The following PRDM6 variants were observed in gnomAD, a reference collection of about 807,000 sequenced individuals.
The protein encoded by PRDM6 is putative histone-lysine N-methyltransferase PRDM6.
A neutral mutation model predicts 60.8 loss-of-function variants in PRDM6; 25 were observed. The ratio of observed to expected loss-of-function variants is 0.41; its 90% CI spans 0.30 to 0.57. The LOEUF (loss-of-function observed/expected upper bound fraction) is 0.57. PRDM6 is among the 20% of genes least tolerant of loss of function. The probability of loss-of-function intolerance (pLI) is 0.27; values close to 1 mark genes in which losing one functional copy is unlikely to be tolerated. For missense variants in PRDM6, 839 were observed against 821.3 expected (o/e 1.02, Z -0.26); for synonymous variants, 407 against 357.4 (o/e 1.14, Z -1.57).
In PRDM6 at chr5:123,190,211, G is replaced by A. The variant is rs964309429; in HGVS notation, c.*3010G>A. 1 of 152,084 alleles carries A rather than the reference G, an allele frequency of 6.6e-6. No individual in the cohort carries two copies. The highest frequency in any genetic ancestry group is 2.4e-5 in the African/African-American group (1 of 41,412). 9.4% of individuals were successfully genotyped at this position (152,084 alleles called of 1,614,324 possible). ...AATAATAATAATTTTTTCAGAATAA[G>A]ACTTTTCATCCTAGCGTATGTTCCT... On this transcript the variant is annotated 3_prime_UTR_variant, in exon 8 of 8. Coordinates refer to ENST00000407847, the MANE Select transcript of PRDM6 (RefSeq NM_001136239.4).
At chr5:123,121,207 T>A (rs1050829184) in intron 3 of PRDM6, among the ~76,000 whole-genome samples, 2 of 152,220 alleles carry the variant, frequency 1.3e-5, no homozygotes, top group Non-Finnish European at 2.9e-5. Flanking sequence ...AAGCTTTTTT[T>A]ACCTATGTTT....
intron 3 of PRDM6, among the ~76,000 whole-genome samples, chr5:123,116,035 A>C (rs1237524113): frequency 6.6e-6 from 1 of 152,216 alleles, no homozygotes; most frequent in Non-Finnish European, 1.5e-5. Flanking sequence ...AAGAGATTTC[A>C]TCACAACTGG....
rs112381228 is a variant in PRDM6, at chr5:123,121,003, ATAT to A, written c.900+21044_900+21046del. On this transcript the variant is annotated intron_variant, in intron 3 of 7. Transcript: ENST00000407847. ...ACCTTTTTCCTTATGTTTGGGCTTA[ATAT>A]TGTTGTTTTAAAGATCTGTGAGTTG... Among the ~76,000 whole-genome samples the A allele has an allele frequency of 9.0e-3, 1,377 of 152,302 alleles. 27 individuals carry two copies. Among genetic ancestry groups the A allele is most frequent in the African/African-American group, 0.031 (1,309 of 41,558 alleles).
Position 123,170,260 on chromosome 5 carries a change from G to A in PRDM6, c.1154-506G>A, listed in dbSNP as rs567588809. On this transcript the variant is annotated intron_variant, in intron 5 of 7. Coordinates refer to ENST00000407847, the MANE Select transcript of PRDM6 (RefSeq NM_001136239.4). ...CTTCTCCTGCCTCCAGGTGTCTTTC[G>A]TCTTGTTCCCTTCATCTCTTCAAAT... Among the ~76,000 whole-genome samples, 365 of 152,186 alleles carry A rather than the reference G, an allele frequency of 2.4e-3. 3 individuals carry two copies. The highest frequency in any genetic ancestry group is 8.3e-3 in the African/African-American group (346 of 41,520).
rs547026471 is a variant in PRDM6 at position 123,190,314 on chromosome 5, A to G, written c.*3113A>G. The G allele has an allele frequency of 7.2e-5, 11 of 152,308 alleles. No individual in the cohort carries two copies. The South Asian group carries it at 1.9e-3, about 26-fold the overall frequency. The allele number at this position is 152,308 out of a possible 1,614,324, so 9.4% of individuals were successfully genotyped here. A position where few individuals can be genotyped will look rare whatever the true frequency, so the allele number is the denominator to read the frequency against. ...AATAGGATGAGAGATGGAGCTGCAG[A>G]CCTTTGCATTTCTAGAAAAATCTCA... On this transcript the variant is annotated 3_prime_UTR_variant, in exon 8 of 8. Coordinates refer to ENST00000407847, the MANE Select transcript of PRDM6 (RefSeq NM_001136239.4).
chr5:123,111,622 CG>C (rs1396453003), intron 3 of PRDM6, among the ~76,000 whole-genome samples: 4 of 151,242 alleles, frequency 2.6e-5, no homozygotes, highest in African/African-American at 7.3e-5. Context: ...GGCGTGAACC[CG>C]GGGGGCGGAG....
chr5:123,138,488 C>G (rs143832245), intron 3 of PRDM6, among the ~76,000 whole-genome samples: 43 of 152,302 alleles, frequency 2.8e-4, no homozygotes, highest in African/African-American at 1.0e-3. Context: ...AAGGTAAAAC[C>G]TATTTCACAC....
At position 123,099,645 on chromosome 5, in the gene PRDM6, C is replaced by T; in HGVS notation, c.593-9C>T. The T allele has an allele frequency of 6.9e-7, 1 of 1,448,726 alleles. No homozygotes were observed. Among genetic ancestry groups the T allele is most frequent in the Non-Finnish European group, 9.1e-7 (1 of 1,097,002 alleles). The allele number at this position is 1,448,726 out of a possible 1,614,324, so 89.7% of individuals were successfully genotyped here. ...GCTCCCTTCCCTTCCTCCTTCTTGT[C>T]TCCCGCAGGTTGCGACATGTGCGCG... On this transcript the variant is annotated splice_polypyrimidine_tract_variant and intron_variant, in intron 2 of 7. Transcript: ENST00000407847. This position sits in a 1 kb window ranked among gnomAD's most constrained non-coding sequence, Gnocchi z 4.0.
chr5:123,158,145 A>G (rs583981), intron 4 of PRDM6, among the ~76,000 whole-genome samples: 10,826 of 152,286 alleles, frequency 0.071, 522 homozygotes, highest in African/African-American at 0.14. Flanking sequence ...TTTCAGCAGC[A>G]AAGTGTGTCA....
At chr5:123,132,670 A>T (rs925126404) in intron 3 of PRDM6, among the ~76,000 whole-genome samples, 1 of 152,166 alleles carries the variant, frequency 6.6e-6, no homozygotes, top group Admixed American at 6.5e-5. Flanking sequence ...TCCAAGTATG[A>T]TTTCTAACAT....
At chr5:123,130,141 T>TGCC (rs1764793285) in intron 3 of PRDM6, among the ~76,000 whole-genome samples, 1 of 9,750 alleles carries the variant, frequency 1.0e-4, no homozygotes, top group African/African-American at 6.3e-4. Context: ...CTCTCCTTCC[T>TGCC]CTCCCCTTCC....
At chr5:123,184,477 G>A (rs769334717) in intron 7 of PRDM6, among the ~76,000 whole-genome samples, 13 of 152,124 alleles carry the variant, frequency 8.5e-5, no homozygotes, top group South Asian at 2.1e-4. Flanking sequence ...AAGGCACAAC[G>A]AAGCCCCTGA....
At chr5:123,106,742 G>T (rs1326835240) in intron 3 of PRDM6, among the ~76,000 whole-genome samples, 2 of 152,212 alleles carry the variant, frequency 1.3e-5, no homozygotes, top group Admixed American at 6.5e-5. Context: ...TGTAATGACA[G>T]CCTGGACAAC....
At chr5:123,095,131 C>T (rs2150205760) in intron 2 of PRDM6, among the ~76,000 whole-genome samples, 1 of 152,344 alleles carries the variant, frequency 6.6e-6, no homozygotes, top group East Asian at 1.9e-4. Context: ...TGCCTCGCCT[C>T]TGGATCTGCT....
intron 3 of PRDM6, among the ~76,000 whole-genome samples, chr5:123,121,731 TC>T (rs571807044): frequency 3.9e-5 from 6 of 151,940 alleles, no homozygotes; most frequent in Non-Finnish European, 8.8e-5. Context: ...GTCTCTTCCT[TC>T]CCCCCCAAAT....
intron 3 of PRDM6, among the ~76,000 whole-genome samples, chr5:123,122,164 C>CAAAAAAAAAAAAAAAAAAAAAA: frequency 1.0e-5 from 1 of 98,924 alleles, no homozygotes; most frequent in African/African-American, 4.0e-5. Context: ...CTCCATCTGA[C>CAAAAAAAAAAAAAAAAAAAAAA]AAAAAAAAAA....
intron 2 of PRDM6, among the ~76,000 whole-genome samples, chr5:123,090,985 G>C (rs144907751): frequency 6.6e-6 from 1 of 152,176 alleles, no homozygotes. Context: ...GGGTGTCTGG[G>C]TCAGGCCCTG....
At chr5:123,162,829 G>A (rs1428331449) in intron 5 of PRDM6, among the ~76,000 whole-genome samples, 1 of 152,128 alleles carries the variant, frequency 6.6e-6, no homozygotes, top group Non-Finnish European at 1.5e-5. Context: ...CCTCTAAGAT[G>A]GATTCTCATT....
At position 123,191,938 on chromosome 5, in the gene PRDM6, A is replaced by G. The variant is rs1766441225; in HGVS notation, c.*4737A>G. ...GCTGTGTTTGACATTTAAAATATTT[A>G]TTTAGTTTCTTCCTTTAAATAATAA... On this transcript the variant is annotated 3_prime_UTR_variant, in exon 8 of 8. Transcript: ENST00000407847. The G allele has an allele frequency of 6.6e-6, 1 of 152,208 alleles. No homozygotes were observed. The allele number at this position is 152,208 out of a possible 1,614,324, so 9.4% of individuals were successfully genotyped here. A position where few individuals can be genotyped will look rare whatever the true frequency, so the allele number is the denominator to read the frequency against.
Sources: gnomAD v4.1 joint callset for allele counts (sites outside exome capture counted in the v4.1 genomes callset) on GRCh38, gnomAD v4.1.1 for gene constraint, Gnocchi (gnomAD v3.1) non-coding constraint, MANE v1.5 for transcripts, NCBI Gene and HGNC (gene_info 2026-07-23, HGNC 2026-07-21) for gene names.